The following NXPE2 variants were observed in gnomAD, a reference collection of about 807,000 sequenced individuals.
The protein encoded by NXPE2 is neurexophilin and PC-esterase domain family member 2, also known as NXPE family member 2.
NXPE2 carries 34 observed loss-of-function variants against 34.4 expected under a neutral mutation model. The observed-to-expected ratio is 0.99, with a 90% CI of 0.75 to 1.31. NXPE2 has a LOEUF of 1.31. NXPE2 is among the 40% of genes most tolerant of loss of function. The probability of loss-of-function intolerance (pLI) is 0.00; values close to 1 mark genes in which losing one functional copy is unlikely to be tolerated. For synonymous variants in NXPE2, 235 were observed against 231.3 expected, an observed-to-expected ratio of 1.02 and a Z score of -0.15; for missense variants, 649 against 672.5, an observed-to-expected ratio of 0.97 and a Z score of 0.39.
intron 2 of NXPE2, among the ~76,000 whole-genome samples, chr11:114,693,893 C>T (rs1236586565): frequency 3.3e-5 from 5 of 152,168 alleles, no homozygotes; most frequent in Non-Finnish European, 7.3e-5. Flanking sequence ...GTGGCTTAAA[C>T]AATGCAAATT....
At chr11:114,562,221 T>G in the NXPE2 span, among the ~76,000 whole-genome samples, 1 of 152,260 alleles carries the variant, frequency 6.6e-6, no homozygotes, top group East Asian at 1.9e-4. Context: ...CTAGCCTCCC[T>G]GTAAATGTTG....
chr11:114,480,074 C>T, the NXPE2 span, among the ~76,000 whole-genome samples: 2 of 152,232 alleles, frequency 1.3e-5, no homozygotes, highest in Admixed American at 1.3e-4. Context: ...AGTCCAACCC[C>T]ATGACCCAAA....
chr11:114,640,171 T>C, the NXPE2 span, among the ~76,000 whole-genome samples: 861 of 131,108 alleles, frequency 6.6e-3, 12 homozygotes, highest in South Asian at 0.03. Flanking sequence ...TATATATAAA[T>C]AATTTATATA....
At chr11:114,531,484 C>T in the NXPE2 span, among the ~76,000 whole-genome samples, 10 of 152,278 alleles carry the variant, frequency 6.6e-5, no homozygotes, top group African/African-American at 1.9e-4. Flanking sequence ...ATTTAATTTC[C>T]TCTTCTGTTG....
At chr11:114,525,736 T>C in the NXPE2 span, among the ~76,000 whole-genome samples, 1 of 152,224 alleles carries the variant, frequency 6.6e-6, no homozygotes, top group African/African-American at 2.4e-5. Context: ...TTCTGTAAGC[T>C]TGCTTGCCCG....
chr11:114,797,847 T>TTCTGAG, the NXPE2 span, among the ~76,000 whole-genome samples: 1 of 152,164 alleles, frequency 6.6e-6, no homozygotes, highest in Non-Finnish European at 1.5e-5. Flanking sequence ...TCATGTGAAG[T>TTCTGAG]TCTGAGGCCC....
At chr11:114,534,447 C>T in the NXPE2 span, among the ~76,000 whole-genome samples, 5 of 152,156 alleles carry the variant, frequency 3.3e-5, no homozygotes, top group East Asian at 1.9e-4. Context: ...ATGACTTTGA[C>T]GAGTTGAGAG....
chr11:114,727,568 G>A, the NXPE2 span, among the ~76,000 whole-genome samples: 47,964 of 151,516 alleles, frequency 0.32, 7,643 homozygotes, highest in East Asian at 0.43. Flanking sequence ...CAGATTAATG[G>A]CATGTTAATC....
upstream of NXPE2, among the ~76,000 whole-genome samples, chr11:114,675,865 T>C: frequency 6.6e-6 from 1 of 151,928 alleles, no homozygotes; most frequent in East Asian, 1.9e-4. Flanking sequence ...CAAGCTCTAG[T>C]AATCAAAACA....
the NXPE2 span, among the ~76,000 whole-genome samples, chr11:114,466,427 TAAGAGAG>T: frequency 6.6e-6 from 1 of 152,222 alleles, no homozygotes; most frequent in Non-Finnish European, 1.5e-5. Context: ...ACCAGCAGTG[TAAGAGAG>T]TGCCTGTTTC....
chr11:114,703,181 C>G (rs1565390749), intron 3 of NXPE2, among the ~76,000 whole-genome samples: 1 of 152,154 alleles, frequency 6.6e-6, no homozygotes, highest in Non-Finnish European at 1.5e-5. Flanking sequence ...GAAGATGAAG[C>G]TGGCAATGTA....
At chr11:114,677,931 C>G (rs1339916600), upstream of NXPE2, among the ~76,000 whole-genome samples, 2 of 152,052 alleles carry the variant, frequency 1.3e-5, no homozygotes, top group African/African-American at 2.4e-5. Flanking sequence ...CCTACATCCA[C>G]AGAATTTGCT....
the NXPE2 span, among the ~76,000 whole-genome samples, chr11:114,592,410 A>T: frequency 6.6e-6 from 1 of 152,086 alleles, no homozygotes; most frequent in Non-Finnish European, 1.5e-5. Context: ...TCAAAAAAGC[A>T]ATTTCATTTA....
At chr11:114,773,743 T>A in the NXPE2 span, among the ~76,000 whole-genome samples, 68,129 of 152,070 alleles carry the variant, frequency 0.45, 16,004 homozygotes, top group East Asian at 0.64. Context: ...GTGAGGATTA[T>A]CCTATCTGTT....
the NXPE2 span, among the ~76,000 whole-genome samples, chr11:114,635,790 C>G: frequency 6.6e-6 from 1 of 152,046 alleles, no homozygotes; most frequent in African/African-American, 2.4e-5. Context: ...TATATTGAAC[C>G]AGGCTTGCAT....
At chr11:114,607,620 C>T in the NXPE2 span, among the ~76,000 whole-genome samples, 893 of 151,204 alleles carry the variant, frequency 5.9e-3, 6 homozygotes, top group African/African-American at 0.02. Context: ...CAGTGTTACC[C>T]GGTGGATAAG....
the NXPE2 span, among the ~76,000 whole-genome samples, chr11:114,584,862 G>A: frequency 6.6e-6 from 1 of 152,168 alleles, no homozygotes; most frequent in Non-Finnish European, 1.5e-5. Flanking sequence ...GGGCAGCTGT[G>A]CTGGGTGATC....
At chr11:114,736,097 T>C in the NXPE2 span, among the ~76,000 whole-genome samples, 1 of 151,944 alleles carries the variant, frequency 6.6e-6, no homozygotes, top group Admixed American at 6.6e-5. Context: ...GGTAATAGAA[T>C]ATCACAAGGC....
At chr11:114,609,566 G>A in the NXPE2 span, among the ~76,000 whole-genome samples, 4 of 151,428 alleles carry the variant, frequency 2.6e-5, no homozygotes, top group African/African-American at 9.7e-5. Flanking sequence ...ATTGCCTCCT[G>A]GGTAACCACT....
Sources: allele counts gnomAD v4.1 joint callset (sites outside exome capture counted in the v4.1 genomes callset), GRCh38; gene constraint gnomAD v4.1.1; transcripts MANE v1.5; gene names NCBI Gene and HGNC (gene_info 2026-07-23, HGNC 2026-07-21).